Variants in CDH13 observed in about 807,000 individuals in gnomAD.
CDH13 encodes the protein cadherin 13.
Under a neutral mutation model 63.8 loss-of-function variants are expected in CDH13, and 24 were observed. That is an observed-to-expected ratio of 0.38 (90% CI 0.27 to 0.53). The LOEUF (loss-of-function observed/expected upper bound fraction) is 0.53. CDH13 is among the 20% of genes least tolerant of loss of function. The pLI is 0.85. For synonymous variants in CDH13, 503 were observed against 355.3 expected (o/e 1.42, Z -4.67); for missense variants, 1,049 against 903.1 (o/e 1.16, Z -2.07).
intron 3 of CDH13, among the ~76,000 whole-genome samples, chr16:83,050,153 C>G (rs2030139505): frequency 1.3e-5 from 2 of 152,264 alleles, no homozygotes; most frequent in South Asian, 4.1e-4. Flanking sequence ...AAAAACCCTG[C>G]TTATTGACCA....
intron 5 of CDH13, among the ~76,000 whole-genome samples, chr16:83,275,346 G>T (rs1017086494): frequency 6.6e-6 from 1 of 152,112 alleles, no homozygotes; most frequent in African/African-American, 2.4e-5. Flanking sequence ...AATGGCTGTT[G>T]GGTCATGTCC....
chr16:83,251,941 G>C (rs1395029685), intron 5 of CDH13, among the ~76,000 whole-genome samples: 1 of 151,920 alleles, frequency 6.6e-6, no homozygotes, highest in Non-Finnish European at 1.5e-5. Context: ...CTGAGGGAGT[G>C]CCTCTTTCTA....
intron 1 of CDH13, among the ~76,000 whole-genome samples, chr16:82,798,538 G>A (rs1294070902): frequency 1.3e-5 from 2 of 152,280 alleles, no homozygotes; most frequent in Non-Finnish European, 2.9e-5. Context: ...ATAGTAGGGT[G>A]AGCCGTAAAT....
intron 1 of CDH13, chr16:82,824,593 A>T (rs751900459): frequency 6.6e-6 from 1 of 152,202 alleles, no homozygotes; most frequent in Non-Finnish European, 1.5e-5. Context: ...AGCCTCCAGG[A>T]TGTATCTATT....
At chr16:83,316,165 C>T (rs1428649635) in intron 5 of CDH13, among the ~76,000 whole-genome samples, 1 of 152,112 alleles carries the variant, frequency 6.6e-6, no homozygotes, top group Admixed American at 6.5e-5. Context: ...CTGACTATCA[C>T]AAGAAGAGCA....
intron 4 of CDH13, among the ~76,000 whole-genome samples, chr16:83,157,741 A>T (rs1345227885): frequency 2.7e-5 from 2 of 74,348 alleles, no homozygotes; most frequent in African/African-American, 1.7e-4. Flanking sequence ...AGAAATATAA[A>T]AAAAAAAAAA....
At chr16:83,116,133 A>G (rs967620730) in intron 3 of CDH13, among the ~76,000 whole-genome samples, 3 of 152,222 alleles carry the variant, frequency 2.0e-5, no homozygotes, top group African/African-American at 7.2e-5. Flanking sequence ...TCCCAGCTGT[A>G]GAATGCCAGT....
chr16:82,923,329 G>A (rs1002353645), intron 2 of CDH13, among the ~76,000 whole-genome samples: 1 of 152,196 alleles, frequency 6.6e-6, no homozygotes, highest in South Asian at 2.1e-4. Flanking sequence ...GGTGTGCATG[G>A]TATGCTCAGA....
rs2074385050 is a variant in CDH13 at position 83,505,919 on chromosome 16, C to T, written c.960+19264C>T. ...TTGCAAACGCATCAGCATGTTCCTT[C>T]CTTCAACATTCCATAACGTGGTGGT... On this transcript the variant is annotated intron_variant, in intron 7 of 13. Transcript: ENST00000567109. Among the ~76,000 whole-genome samples, 8 of 152,184 alleles carry T rather than the reference C, an allele frequency of 5.3e-5. No homozygotes were observed. In the South Asian group the frequency reaches 1.7e-3, roughly 32 times the overall value.
chr16:83,462,739 G>C (rs1598078283), intron 6 of CDH13, among the ~76,000 whole-genome samples: 1 of 152,206 alleles, frequency 6.6e-6, no homozygotes, highest in East Asian at 1.9e-4. Flanking sequence ...CTGGGTGACA[G>C]AGTGAGATTC....
intron 6 of CDH13, among the ~76,000 whole-genome samples, chr16:83,443,401 G>T (rs756621588): frequency 1.3e-5 from 2 of 152,160 alleles, no homozygotes; most frequent in Admixed American, 6.5e-5. Flanking sequence ...TTCTCAGTGC[G>T]TGTTGAATGT....
intron 9 of CDH13, among the ~76,000 whole-genome samples, chr16:83,675,106 G>T (rs1327293595): frequency 6.6e-6 from 1 of 152,170 alleles, no homozygotes; most frequent in African/African-American, 2.4e-5. Context: ...CCTCTCTGTA[G>T]CTTCCATCAG....
At position 83,635,332 on chromosome 16, in the gene CDH13, C is replaced by CT. The variant is rs71148847; in HGVS notation, c.1101+32767dup. On this transcript the variant is annotated intron_variant, in intron 8 of 13. Coordinates refer to ENST00000567109, the MANE Select transcript of CDH13 (RefSeq NM_001257.5). ...ACTTTAACTTTTGCCCATTTTCTTT[C>CT]TTTTTTTTTTTTTTTTTTTTTTTTT... is the stretch of plus-strand genomic sequence containing the variant. Among the ~76,000 whole-genome samples the CT allele has an allele frequency of 4.9e-3, 229 of 46,728 alleles. 45 individuals are homozygous for CT. The highest frequency in any genetic ancestry group is 0.02 in the African/African-American group (201 of 10,112). The allele number at this position is 46,728 out of a possible 152,430, so 30.7% of individuals were successfully genotyped here. A position where few individuals can be genotyped will look rare whatever the true frequency, so the allele number is the denominator to read the frequency against.
chr16:83,428,244 C>A (rs1033956100), intron 6 of CDH13, among the ~76,000 whole-genome samples: 1 of 152,082 alleles, frequency 6.6e-6, no homozygotes, highest in African/African-American at 2.4e-5. Flanking sequence ...GATTCAATGA[C>A]TGAGAAACAC....
At chr16:82,756,566 G>T (rs1317028046) in intron 1 of CDH13, among the ~76,000 whole-genome samples, 4 of 152,140 alleles carry the variant, frequency 2.6e-5, no homozygotes, top group African/African-American at 9.7e-5. Context: ...AGAGATTACG[G>T]GACAGTGGGA....
chr16:83,572,155 T>C (rs937492883), intron 7 of CDH13, among the ~76,000 whole-genome samples: 1 of 148,976 alleles, frequency 6.7e-6, no homozygotes, highest in African/African-American at 2.5e-5. Context: ...AACTAGGTAT[T>C]TTTTATTCCA....
chr16:82,981,531 C>G (rs1396375061), intron 2 of CDH13, among the ~76,000 whole-genome samples: 1 of 152,096 alleles, frequency 6.6e-6, no homozygotes, highest in Non-Finnish European at 1.5e-5. Flanking sequence ...AGGGCTTAAC[C>G]CTTTAAACTA....
At chr16:82,812,449 T>A (rs773010441) in intron 1 of CDH13, among the ~76,000 whole-genome samples, 27 of 152,058 alleles carry the variant, frequency 1.8e-4, no homozygotes, top group Non-Finnish European at 3.7e-4. Context: ...AATGAGACTT[T>A]GGAGGGAGCA....
chr16:82,998,239 G>T (rs571352665), intron 2 of CDH13, among the ~76,000 whole-genome samples: 2 of 152,044 alleles, frequency 1.3e-5, no homozygotes, highest in Non-Finnish European at 2.9e-5. Flanking sequence ...TTTCTAAAAC[G>T]CATTAATGCA....
Sources: gnomAD v4.1 joint callset for allele counts (sites outside exome capture counted in the v4.1 genomes callset) on GRCh38, gnomAD v4.1.1 for gene constraint, MANE v1.5 for transcripts, NCBI Gene and HGNC (gene_info 2026-07-23, HGNC 2026-07-21) for gene names.